The following PTPN1 variants were observed in gnomAD, a reference collection of about 807,000 sequenced individuals.
PTPN1 encodes the protein tyrosine-protein phosphatase non-receptor type 1.
PTPN1 carries 12 observed loss-of-function variants against 59.9 expected under a neutral mutation model. The observed-to-expected ratio is 0.20, with a 90% CI of 0.13 to 0.32. The LOEUF (loss-of-function observed/expected upper bound fraction) is 0.32, where lower values mean the gene tolerates loss of function less well. PTPN1 is among the 10% of genes least tolerant of loss of function. The probability of loss-of-function intolerance (pLI) is 1.00; values close to 1 mark genes in which losing one functional copy is unlikely to be tolerated. For synonymous variants in PTPN1, 178 were observed against 203.6 expected (o/e 0.87, Z 1.07); for missense variants, 356 against 549.2 (o/e 0.65, Z 3.52).
chr20:50,565,775 A>C (rs1240730095), intron 3 of PTPN1, among the ~76,000 whole-genome samples: 1 of 152,012 alleles, frequency 6.6e-6, no homozygotes, highest in East Asian at 1.9e-4. Context: ...TTTTCATCAT[A>C]ATTTTTGTTT....
At chr20:50,542,854 C>T (rs2082658598) in intron 1 of PTPN1, among the ~76,000 whole-genome samples, 6 of 152,108 alleles carry the variant, frequency 3.9e-5, no homozygotes, top group Admixed American at 3.9e-4. Context: ...GGCAGATGAC[C>T]AAAAGATCTT....
chr20:50,547,502 T>C (rs1207580947), intron 1 of PTPN1, among the ~76,000 whole-genome samples: 1 of 152,116 alleles, frequency 6.6e-6, no homozygotes, highest in Non-Finnish European at 1.5e-5. Flanking sequence ...TAGCTGGGAT[T>C]ATAGGTGTGC....
intron 1 of PTPN1, among the ~76,000 whole-genome samples, chr20:50,555,207 A>G (rs1422576506): frequency 6.6e-6 from 1 of 152,254 alleles, no homozygotes; most frequent in African/African-American, 2.4e-5. Context: ...ATAAATTTCT[A>G]GCTAAACTGG....
At chr20:50,563,237 A>G (rs890601829) in intron 2 of PTPN1, 3 of 151,632 alleles carry the variant, frequency 2.0e-5, no homozygotes, top group Non-Finnish European at 4.4e-5. Context: ...CCCTACTCCT[A>G]TCCTCCAGTA....
chr20:50,578,324 G>A, intron 5 of PTPN1, 96 bp from the exon 6 acceptor site: 1 of 983,200 alleles, frequency 1.0e-6, no homozygotes, highest in Non-Finnish European at 1.5e-6. Flanking sequence ...TCCTCTTAGA[G>A]GTAGAGAGTG....
chr20:50,562,497 C>T (rs989501328), intron 2 of PTPN1, among the ~76,000 whole-genome samples: 4 of 152,154 alleles, frequency 2.6e-5, no homozygotes, highest in Non-Finnish European at 5.9e-5. Context: ...TGAGTGGCTT[C>T]GGGCAAGTTG....
chr20:50,542,792 G>A (rs1240681959), intron 1 of PTPN1, among the ~76,000 whole-genome samples: 1 of 152,184 alleles, frequency 6.6e-6, no homozygotes, highest in African/African-American at 2.4e-5. Context: ...AAGGTTTACT[G>A]CCTGCTTCCA....
intron 1 of PTPN1, among the ~76,000 whole-genome samples, chr20:50,524,752 A>G (rs1281387424): frequency 6.6e-6 from 1 of 150,946 alleles, no homozygotes; most frequent in Non-Finnish European, 1.5e-5. Context: ...AATTTTTGGT[A>G]TTTTTGGTAG....
intron 1 of PTPN1, among the ~76,000 whole-genome samples, chr20:50,536,991 ATTG>A (rs1348751272): frequency 1.3e-5 from 2 of 152,220 alleles, no homozygotes; most frequent in Non-Finnish European, 2.9e-5. Flanking sequence ...TTTAGTTAAA[ATTG>A]TTGTTGACAT....
intron 1 of PTPN1, among the ~76,000 whole-genome samples, chr20:50,526,564 T>G (rs542668140): frequency 1.8e-4 from 27 of 152,278 alleles, no homozygotes; most frequent in African/African-American, 6.5e-4. Context: ...TTCCAGCTAT[T>G]TCCTTCCCTG....
chr20:50,545,333 AC>A (rs2082670414), intron 1 of PTPN1, among the ~76,000 whole-genome samples: 1 of 152,160 alleles, frequency 6.6e-6, no homozygotes, highest in African/African-American at 2.4e-5. Flanking sequence ...ACAATAGGAA[AC>A]CACAGGCTGT....
chr20:50,559,705 T>C (rs1246843550), intron 1 of PTPN1, among the ~76,000 whole-genome samples: 2 of 152,154 alleles, frequency 1.3e-5, no homozygotes, highest in Non-Finnish European at 2.9e-5. Context: ...TCAGTTGAGC[T>C]TGTCATTTTT....
chr20:50,547,581 C>G (rs979473678), intron 1 of PTPN1, among the ~76,000 whole-genome samples: 10 of 152,148 alleles, frequency 6.6e-5, no homozygotes, highest in Non-Finnish European at 1.5e-5. Context: ...TCAGGCTGGT[C>G]TCAAACTCCT....
intron 1 of PTPN1, among the ~76,000 whole-genome samples, chr20:50,554,912 TAGAA>T (rs1282626876): frequency 2.0e-5 from 3 of 152,054 alleles, no homozygotes; most frequent in Non-Finnish European, 2.9e-5. Context: ...ATGAGTCAAA[TAGAA>T]AGCAGCTAAA....
intron 1 of PTPN1, among the ~76,000 whole-genome samples, chr20:50,540,460 T>C (rs537302309): frequency 1.3e-5 from 2 of 152,308 alleles, no homozygotes; most frequent in African/African-American, 2.4e-5. Context: ...CATGAACTCA[T>C]AGAGTGATAA....
chr20:50,538,979 T>G (rs2082636169), intron 1 of PTPN1, among the ~76,000 whole-genome samples: 1 of 151,904 alleles, frequency 6.6e-6, no homozygotes, highest in Non-Finnish European at 1.5e-5. Flanking sequence ...CCTTCTATCT[T>G]AGACCTACTA....
At chr20:50,522,981 G>C (rs1335232494) in intron 1 of PTPN1, among the ~76,000 whole-genome samples, 4 of 151,222 alleles carry the variant, frequency 2.6e-5, no homozygotes, top group African/African-American at 9.8e-5. Flanking sequence ...GGCCAGGCTG[G>C]TCTTGAACTC....
intron 1 of PTPN1, among the ~76,000 whole-genome samples, chr20:50,520,348 G>A (rs1455692169): frequency 2.7e-5 from 4 of 148,492 alleles, no homozygotes; most frequent in Non-Finnish European, 5.9e-5. Context: ...TACAGCCTGG[G>A]GGACAAGAGT....
intron 1 of PTPN1, among the ~76,000 whole-genome samples, chr20:50,532,363 G>A (rs1200841615): frequency 6.6e-6 from 1 of 152,102 alleles, no homozygotes; most frequent in South Asian, 2.1e-4. Flanking sequence ...TCTTTGGGTC[G>A]GTTCAGCGAA....
Sources: gnomAD v4.1 joint callset for allele counts (sites outside exome capture counted in the v4.1 genomes callset) on GRCh38, gnomAD v4.1.1 for gene constraint, MANE v1.5 for transcripts, NCBI Gene and HGNC (gene_info 2026-07-23, HGNC 2026-07-21) for gene names.